Variants in SLC18B1 observed in about 807,000 individuals in gnomAD.
The protein encoded by SLC18B1 is solute carrier family 18 member B1.
SLC18B1 carries 62 observed loss-of-function variants against 53.9 expected under a neutral mutation model. The ratio of observed to expected loss-of-function variants is 1.15; its 90% CI spans 0.94 to 1.42. The LOEUF (loss-of-function observed/expected upper bound fraction) is 1.42, where lower values mean the gene tolerates loss of function less well. SLC18B1 is among the 40% of genes most tolerant of loss of function. The probability of loss-of-function intolerance (pLI) is 0.00; values close to 1 mark genes in which losing one functional copy is unlikely to be tolerated. For missense variants in SLC18B1, 598 were observed against 547.3 expected, an observed-to-expected ratio of 1.09 and a Z score of -0.93; for synonymous variants, 217 against 200.9, an observed-to-expected ratio of 1.08 and a Z score of -0.68.
In SLC18B1 at chr6:132,797,085, C is replaced by A. The variant is rs1220705369; in HGVS notation, c.80G>T (p.Gly27Val). The A allele has an allele frequency of 6.2e-7, 1 of 1,614,146 alleles. No homozygotes were observed. The highest frequency in any genetic ancestry group is 2.2e-5 in the East Asian group (1 of 44,882). ...AAAAACCTGTTCTCTCGAAAGCCAC[C>A]CGGGGGTCTCTCCTGCACTTCCTGC... ...DPAGSAGETP[G>V]WLSREQVFVL... Residue 27 changes from glycine to valine, a missense_variant, in exon 2 of 14, where the codon GGG becomes GTG. Coordinates refer to ENST00000275227, the MANE Select transcript of SLC18B1 (RefSeq NM_052831.3).
intron 7 of SLC18B1, among the ~76,000 whole-genome samples, chr6:132,777,671 G>T (rs1434655612): frequency 6.6e-6 from 1 of 152,192 alleles, no homozygotes; most frequent in Non-Finnish European, 1.5e-5. Flanking sequence ...CCGAGATCGT[G>T]CCATTGCACT....
In SLC18B1 at chr6:132,774,255, A is replaced by G. The variant is rs985028107; in HGVS notation, c.956T>C (p.Leu319Pro). The G allele has an allele frequency of 1.9e-6, 3 of 1,613,460 alleles. No homozygotes were observed. Among genetic ancestry groups the G allele is most frequent in the African/African-American group, 2.7e-5 (2 of 74,932 alleles). Residue 319 changes from leucine (L) to proline (P), a missense_variant, in exon 9 of 14, where the codon CTC becomes CCC. Transcript: ENST00000275227. ...ATGCAAGATTGGGACAGGCCCTAAGAGCATGTAGCACCCGGCTGTGATTAA... is the reference window on the plus strand; with the variant it reads ...ATGCAAGATTGGGACAGGCCCTAAGGGCATGTAGCACCCGGCTGTGATTAA... ...GNLITAGCYM[L>P]LGPVPILHIK... is the part of the protein sequence containing the mutation.
rs1398884009 is a variant in SLC18B1, at chr6:132,798,542, G to T, written c.-86C>A. On this transcript the variant is annotated 5_prime_UTR_variant, in exon 1 of 14. Transcript: ENST00000275227. ...CCTCCAAGGAGCCACTGGCACTCTG[G>T]CGGGCGGCCGCTGCTCAGCTGGAAC... 2 of 1,329,870 alleles carry T rather than the reference G, an allele frequency of 1.5e-6. No individual in the cohort carries two copies. The highest frequency in any genetic ancestry group is 2.0e-6 in the Non-Finnish European group (2 of 1,019,268). The allele number at this position is 1,329,870 out of a possible 1,614,324, so 82.4% of individuals were successfully genotyped here. A position where few individuals can be genotyped will look rare whatever the true frequency, so the allele number is the denominator to read the frequency against.
chr6:132,785,897 C>CAAAAAAAAAAAAAAA (rs71545048), intron 5 of SLC18B1, among the ~76,000 whole-genome samples: 49 of 81,128 alleles, frequency 6.0e-4, no homozygotes, highest in African/African-American at 7.1e-4. Flanking sequence ...CCTGTCTCTA[C>CAAAAAAAAAAAAAAA]AAAAAAAAAA....
At chr6:132,775,195 A>G (rs1562262925) in intron 8 of SLC18B1, among the ~76,000 whole-genome samples, 1 of 152,216 alleles carries the variant, frequency 6.6e-6, no homozygotes, top group African/African-American at 2.4e-5. Context: ...AAAGTGAAAG[A>G]TGACAATCTG....
intron 7 of SLC18B1, among the ~76,000 whole-genome samples, chr6:132,777,426 C>G (rs1272196916): frequency 6.6e-6 from 1 of 152,070 alleles, no homozygotes; most frequent in African/African-American, 2.4e-5. Context: ...AAGATATACA[C>G]AAACGGGCCA....
intron 4 of SLC18B1, among the ~76,000 whole-genome samples, chr6:132,788,606 A>G (rs1781442922): frequency 6.6e-6 from 1 of 152,086 alleles, no homozygotes. Context: ...GTATCCCCTG[A>G]GGTCAGGAGT....
At chr6:132,771,996 A>C (rs1780987894) in intron 11 of SLC18B1, 136 bp downstream of exon 11, 2 of 594,318 alleles carry the variant, frequency 3.4e-6, no homozygotes, top group Non-Finnish European at 5.7e-6. Flanking sequence ...GGAGGCTGAG[A>C]TAGAAGAATC....
Position 132,798,445 on chromosome 6 carries a change from C to T in SLC18B1, c.12G>A (p.Leu4=), listed in dbSNP as rs1386696309. Residue 4 remains leucine, a synonymous_variant, in exon 1 of 14, where the codon CTG becomes CTA. Transcript: ENST00000275227. MEA[L]GDLEGPRAPG... ...GTGCGCGTGGTCCCTCCAGGTCACCCAGCGCCTCCATCCCCGGTGCGTGGA... is the reference window on the plus strand; with the variant it reads ...GTGCGCGTGGTCCCTCCAGGTCACCTAGCGCCTCCATCCCCGGTGCGTGGA... 12 of 1,526,758 alleles carry T rather than the reference C, an allele frequency of 7.9e-6. No homozygotes were observed. Among genetic ancestry groups the T allele is most frequent in the Non-Finnish European group, 9.7e-6 (11 of 1,133,788 alleles). 94.6% of individuals were successfully genotyped at this position (1,526,758 alleles called of 1,614,324 possible).
intron 2 of SLC18B1, among the ~76,000 whole-genome samples, chr6:132,791,994 C>G (rs994699470): frequency 1.3e-5 from 2 of 151,636 alleles, no homozygotes; most frequent in Non-Finnish European, 2.9e-5. Flanking sequence ...TTAGGAAGCT[C>G]AGGTGGGAGG....
At position 132,776,418 on chromosome 6, in the gene SLC18B1, T is replaced by G; in HGVS notation, c.807A>C (p.Pro269=). The stretch of plus-strand genomic sequence containing the variant: ...GGAATACTAGTCCCACATATCCAGC[T>G]GGTAAATTGAACTGTAAAAGAAATC... The part of the protein sequence containing the change: ...SLFVLEKFNL[P]AGYVGLVFLG... Residue 269 remains proline (P), a synonymous_variant, in exon 8 of 14, where the codon CCA becomes CCC. Transcript: ENST00000275227. 5 of 1,612,680 alleles carry G rather than the reference T, an allele frequency of 3.1e-6. No individual in the cohort carries two copies. The highest frequency in any genetic ancestry group is 3.4e-6 in the Non-Finnish European group (4 of 1,179,226).
At chr6:132,792,284 G>GAAAGAAAGA (rs1461079612) in intron 2 of SLC18B1, among the ~76,000 whole-genome samples, 1,233 of 37,714 alleles carry the variant, frequency 0.033, 251 homozygotes, top group South Asian at 0.049. Context: ...AGAAAGAAAG[G>GAAAGAAAGA]AAGAAAGGAA....
At chr6:132,780,449 A>C (rs1282749504) in intron 6 of SLC18B1, among the ~76,000 whole-genome samples, 2 of 152,132 alleles carry the variant, frequency 1.3e-5, no homozygotes, top group Admixed American at 1.3e-4. Flanking sequence ...ATTATTCTGT[A>C]AATACTTGTT....
At chr6:132,775,910 G>A (rs765217385) in intron 8 of SLC18B1, among the ~76,000 whole-genome samples, 13 of 152,168 alleles carry the variant, frequency 8.5e-5, no homozygotes, top group Admixed American at 5.2e-4. Context: ...TCATAAGAGA[G>A]TTTAATCTAG....
rs59989552 is a variant in SLC18B1, at chr6:132,798,425, C to A, written c.32G>T (p.Arg11Leu). Residue 11 changes from arginine (R) to leucine (L), a missense_variant, in exon 1 of 14, where the codon CGC becomes CTC. Physicochemically the swap from Arg to Leu is moderately radical, Grantham distance 102 (BLOSUM62 -2). Coordinates refer to ENST00000275227, the MANE Select transcript of SLC18B1 (RefSeq NM_052831.3). The part of the protein sequence containing the change: MEALGDLEGP[R>L]APGGDDPAGS... Reference sequence around the variant, plus strand: ...CAATTCATGGTCACCTCCTGGTGCGCGTGGTCCCTCCAGGTCACCCAGCGC... The same window carrying A: ...CAATTCATGGTCACCTCCTGGTGCGAGTGGTCCCTCCAGGTCACCCAGCGC... The A allele has an allele frequency of 0.03, 46,172 of 1,534,058 alleles. 1,086 individuals are homozygous for A. The highest frequency in any genetic ancestry group is 0.11 in the African/African-American group (8,155 of 71,888).
At chr6:132,796,564 G>T (rs1283571935) in intron 2 of SLC18B1, among the ~76,000 whole-genome samples, 2 of 150,246 alleles carry the variant, frequency 1.3e-5, no homozygotes, top group Non-Finnish European at 1.5e-5. Flanking sequence ...AGGAAGGGGG[G>T]TCGGGAATCA....
chr6:132,785,897 C>CAAAAAAAAAAAAAAAA (rs71545048), intron 5 of SLC18B1, among the ~76,000 whole-genome samples: 104 of 81,102 alleles, frequency 1.3e-3, no homozygotes, highest in East Asian at 2.1e-3. Context: ...CCTGTCTCTA[C>CAAAAAAAAAAAAAAAA]AAAAAAAAAA....
chr6:132,773,242 A>G (rs1167616775), intron 9 of SLC18B1, among the ~76,000 whole-genome samples, 154 bp from the exon 10 acceptor site: 1 of 120,058 alleles, frequency 8.3e-6, no homozygotes, highest in East Asian at 2.7e-4. Flanking sequence ...AACCCATTTC[A>G]TTCAGTTAGA....
At chr6:132,798,217 C>T (rs1373688951) in intron 1 of SLC18B1, among the ~76,000 whole-genome samples, 197 bp downstream of exon 1, 2 of 152,184 alleles carry the variant, frequency 1.3e-5, no homozygotes, top group Non-Finnish European at 2.9e-5. Flanking sequence ...CATTAGAAAC[C>T]GTGACACATA....
Sources: allele counts gnomAD v4.1 joint callset (sites outside exome capture counted in the v4.1 genomes callset), GRCh38; gene constraint gnomAD v4.1.1; transcripts MANE v1.5; gene names NCBI Gene and HGNC (gene_info 2026-07-23, HGNC 2026-07-21).